Variants in TOGARAM1 observed in about 807,000 individuals in gnomAD.
The protein encoded by TOGARAM1 is TOG array regulator of axonemal microtubules 1.
Under a neutral mutation model 166.6 loss-of-function variants are expected in TOGARAM1, and 100 were observed. The ratio of observed to expected loss-of-function variants is 0.60; its 90% CI spans 0.51 to 0.71. The LOEUF (loss-of-function observed/expected upper bound fraction) is 0.71. Ranked by LOEUF, TOGARAM1 falls within the 30% of genes least tolerant of loss-of-function variation. The probability of loss-of-function intolerance (pLI) is 0.00; values close to 1 mark genes in which losing one functional copy is unlikely to be tolerated. For synonymous variants in TOGARAM1, 758 were observed against 763.8 expected, an observed-to-expected ratio of 0.99 and a Z score of 0.13; for missense variants, 2,029 against 2,102.7, an observed-to-expected ratio of 0.96 and a Z score of 0.69.
chr14:45,048,978 A>C (rs1303070667), intron 14 of TOGARAM1, among the ~76,000 whole-genome samples: 1 of 140,960 alleles, frequency 7.1e-6, no homozygotes, highest in Non-Finnish European at 1.5e-5. Context: ...CAGAGGGTTG[A>C]CTCAGGCCAG....
intron 2 of TOGARAM1, among the ~76,000 whole-genome samples, chr14:44,998,966 T>G (rs1469452404): frequency 6.6e-6 from 1 of 152,086 alleles, no homozygotes; most frequent in Non-Finnish European, 1.5e-5. Flanking sequence ...ATCACACCAC[T>G]GCACAAAAAA....
intron 10 of TOGARAM1, 103 bp from the exon 11 acceptor site, chr14:45,032,120 A>G (rs1326941745): frequency 1.0e-6 from 1 of 997,962 alleles, no homozygotes; most frequent in Non-Finnish European, 1.5e-6. Context: ...AGATCGTACT[A>G]CTGCACCCTA....
intron 16 of TOGARAM1, among the ~76,000 whole-genome samples, chr14:45,058,670 T>C (rs1199106982): frequency 6.6e-6 from 1 of 152,194 alleles, no homozygotes; most frequent in African/African-American, 2.4e-5. Flanking sequence ...AAGCAGCATA[T>C]AGTTGGATCA....
chr14:45,018,773 A>T (rs1264062531), intron 7 of TOGARAM1, among the ~76,000 whole-genome samples: 2 of 152,202 alleles, frequency 1.3e-5, no homozygotes, highest in African/African-American at 4.8e-5. Context: ...ATATTTATTT[A>T]CATGTTTTAT....
intron 1 of TOGARAM1, among the ~76,000 whole-genome samples, chr14:44,965,834 G>A (rs897141490): frequency 1.4e-5 from 2 of 146,454 alleles, no homozygotes; most frequent in African/African-American, 5.1e-5. Flanking sequence ...GTCTTTACCT[G>A]TATCATTTAT....
rs760918034 is a variant in TOGARAM1, at chr14:45,028,279, A to C, written c.3608A>C (p.Asn1203Thr). 1 of 1,605,180 alleles carries C rather than the reference A, an allele frequency of 6.2e-7. No homozygotes were observed. The highest frequency in any genetic ancestry group is 8.5e-7 in the Non-Finnish European group (1 of 1,177,928). Residue 1203 changes from asparagine to threonine, a missense_variant, in exon 10 of 20, where the codon AAT (asparagine) becomes ACT (threonine). By Grantham distance (65) the Asn-to-Thr change is moderately conservative. This residue lies in a region of TOGARAM1 where 1,453 missense variants were observed against 1,432.2 expected (regional missense o/e 1.01). Transcript: ENST00000361462. ...AAAGATTGTGAAAAGAAGGAAAAAA[A>C]TTCCTGGGAACGAATGAGACATACA... ...HNKDCEKKEK[N>T]SWERMRHTGT... is the part of the protein sequence containing the mutation.
At chr14:44,972,537 T>A (rs902934659) in intron 1 of TOGARAM1, among the ~76,000 whole-genome samples, 1 of 152,120 alleles carries the variant, frequency 6.6e-6, no homozygotes, top group Non-Finnish European at 1.5e-5. Context: ...CTTTGCCTCA[T>A]TTAATTTGAC....
At chr14:44,988,013 C>A (rs2138782310) in intron 1 of TOGARAM1, among the ~76,000 whole-genome samples, 1 of 151,322 alleles carries the variant, frequency 6.6e-6, no homozygotes, top group African/African-American at 2.4e-5. Flanking sequence ...GGACAAAAAA[C>A]CAAACATCAC....
chr14:44,972,048 A>G (rs958496625), intron 1 of TOGARAM1, among the ~76,000 whole-genome samples: 1 of 152,152 alleles, frequency 6.6e-6, no homozygotes, highest in Non-Finnish European at 1.5e-5. Flanking sequence ...ACACACTTTT[A>G]AACAACCAGA....
intron 11 of TOGARAM1, among the ~76,000 whole-genome samples, chr14:45,035,145 A>T (rs1881357257): frequency 6.6e-6 from 1 of 152,220 alleles, no homozygotes; most frequent in Non-Finnish European, 1.5e-5. Context: ...CATTGAAACT[A>T]TTCAAAATGA....
chr14:45,027,276 A>G (rs772039386), intron 8 of TOGARAM1, 23 bp from the exon 9 acceptor site: 3 of 1,611,606 alleles, frequency 1.9e-6, no homozygotes, highest in Non-Finnish European at 2.5e-6. Flanking sequence ...GTTAATGACT[A>G]TTTGGTGGTT....
At chr14:44,995,331 C>CAGTAAGAACAGTGT in intron 1 of TOGARAM1, 1 of 320,344 alleles carries the variant, frequency 3.1e-6, no homozygotes, top group Non-Finnish European at 6.4e-6. Flanking sequence ...AGATTTGCCT[C>CAGTAAGAACAGTGT]AGTAAGAACA....
At chr14:45,022,204 C>T (rs781321974) in intron 7 of TOGARAM1, among the ~76,000 whole-genome samples, 1 of 151,750 alleles carries the variant, frequency 6.6e-6, no homozygotes, top group Non-Finnish European at 1.5e-5. Context: ...CGGGGAAGTC[C>T]GCATCTGGGA....
chr14:44,995,931 G>A, intron 2 of TOGARAM1, 29 bp downstream of exon 2: 1 of 1,569,132 alleles, frequency 6.4e-7, no homozygotes, highest in African/African-American at 1.4e-5. Context: ...TGATGGTCAT[G>A]TTGAACTAAC....
chr14:45,005,872 C>A, intron 4 of TOGARAM1, 136 bp from the exon 5 acceptor site: 1 of 590,274 alleles, frequency 1.7e-6, no homozygotes, highest in Non-Finnish European at 2.8e-6. Context: ...AGGCTTTATT[C>A]AGCTTGTTCT....
In TOGARAM1 at chr14:44,963,759, C is replaced by G. The variant is rs1221094474; in HGVS notation, c.1338C>G (p.Asp446Glu). Residue 446 changes from aspartate to glutamate, a missense_variant, in exon 1 of 20, where the codon GAC (aspartate) becomes GAG (glutamate). By Grantham distance (45) the Asp-to-Glu change is conservative (BLOSUM62 2). This residue lies in a region of TOGARAM1 where 1,453 missense variants were observed against 1,432.2 expected (regional missense o/e 1.01). Coordinates refer to ENST00000361462, the MANE Select transcript of TOGARAM1 (RefSeq NM_001308120.2). ...VIAASVKVLA[D>E]NKLVIKQEYM... ...CAGCTTCTGTCAAAGTGCTGGCGGA[C>G]AACAAGTTGGTGATCAAACAAGAAT... The G allele has an allele frequency of 1.9e-6, 3 of 1,613,816 alleles. No homozygotes were observed. The highest frequency in any genetic ancestry group is 2.2e-5 in the South Asian group (2 of 91,044).
In TOGARAM1 at chr14:45,054,492, G is replaced by C; in HGVS notation, c.4502G>C (p.Ser1501Thr). The change falls in exon 16 of 20, where the codon AGT becomes ACT. Residue 1501 changes from serine to threonine, a missense_variant. Physicochemically the swap from Ser to Thr is moderately conservative, Grantham distance 58. Coordinates refer to ENST00000361462, the MANE Select transcript of TOGARAM1 (RefSeq NM_001308120.2). Reference protein sequence around the residue: ...SAKGRRSHTGSVGNTRSSSVS... With the variant: ...SAKGRRSHTGTVGNTRSSSVS... ...AAAGGAAGACGATCTCATACTGGCA[G>C]TGTTGGAAATACAAGATCATCATCT... 1 of 1,613,712 alleles carries C rather than the reference G, an allele frequency of 6.2e-7. No individual in the cohort carries two copies. The highest frequency in any genetic ancestry group is 8.5e-7 in the Non-Finnish European group (1 of 1,179,804).
rs544514708 is a variant in TOGARAM1, at chr14:45,058,421, A to G, written c.4559+3872A>G. 2.8e-4 allele frequency among the ~76,000 whole-genome samples: 42 copies of G among 151,908 alleles called. 1 individual carries two copies. The highest frequency in any genetic ancestry group is 5.3e-4 in the Non-Finnish European group (36 of 67,986). ...GGGATTCTCCTGCCTCAGCATCCCT[A>G]GTAGCTGGGACTATAGGCACACACC... On this transcript the variant is annotated intron_variant, in intron 16 of 19. Coordinates refer to ENST00000361462, the MANE Select transcript of TOGARAM1 (RefSeq NM_001308120.2).
At chr14:45,041,377 G>T (rs1248812991) in intron 11 of TOGARAM1, among the ~76,000 whole-genome samples, 1 of 152,158 alleles carries the variant, frequency 6.6e-6, no homozygotes, top group African/African-American at 2.4e-5. Flanking sequence ...CTCCAGCCTG[G>T]GCGACAGAGC....
Sources: allele counts gnomAD v4.1 joint callset (sites outside exome capture counted in the v4.1 genomes callset), GRCh38; gene constraint gnomAD v4.1.1; regional missense constraint gnomAD v4.1.1; transcripts MANE v1.5; gene names NCBI Gene and HGNC (gene_info 2026-07-23, HGNC 2026-07-21).